Variants in TUSC3 observed in about 807,000 individuals in gnomAD.
TUSC3 encodes the protein dolichyl-diphosphooligosaccharide--protein glycosyltransferase subunit TUSC3.
In TUSC3, 45 loss-of-function variants were observed where a neutral mutation model predicts 44.8. The ratio of observed to expected loss-of-function variants is 1.00; its 90% CI spans 0.79 to 1.29. TUSC3 has a LOEUF of 1.29. TUSC3 is among the 50% of genes most tolerant of loss of function. TUSC3 has a pLI of 0.00. For synonymous variants in TUSC3, 212 were observed against 152.9 expected (o/e 1.39, Z -2.85); for missense variants, 519 against 437.9 (o/e 1.19, Z -1.65).
At chr8:15,602,424 G>T (rs1327381150) in intron 1 of TUSC3, among the ~76,000 whole-genome samples, 2 of 151,372 alleles carry the variant, frequency 1.3e-5, no homozygotes, top group Non-Finnish European at 1.5e-5. Context: ...TTTATCAAAT[G>T]GGTTGTACTT....
chr8:15,443,146 T>A (rs889122362), intron 1 of TUSC3, among the ~76,000 whole-genome samples: 1 of 151,994 alleles, frequency 6.6e-6, no homozygotes, highest in Admixed American at 6.6e-5. Context: ...CATTTTTTTC[T>A]TTTTTCTTCC....
In TUSC3 at chr8:15,419,329, G is replaced by A. The variant is rs559941953; in HGVS notation, n.91+2024G>A. 2.4e-4 allele frequency among the ~76,000 whole-genome samples: 36 copies of A among 152,330 alleles called. No homozygotes were observed. In the South Asian group the frequency reaches 7.5e-3, roughly 32 times the overall value. On this transcript the variant is annotated intron_variant and non_coding_transcript_variant, in intron 1 of 5. Coordinates refer to the TUSC3 transcript ENST00000503191. ...AAGAATGAGCTATTGCAGTACTTCA[G>A]CTGTTGCATAACTTTCCGTGCAATC...
intron 6 of TUSC3, among the ~76,000 whole-genome samples, chr8:15,690,717 T>C (rs1305074704): frequency 6.6e-6 from 1 of 152,184 alleles, no homozygotes; most frequent in Non-Finnish European, 1.5e-5. Context: ...CATCTGCATA[T>C]GGCTAGCAAG....
At chr8:15,498,556 G>C (rs1419470157) in intron 2 of TUSC3, among the ~76,000 whole-genome samples, 1 of 152,154 alleles carries the variant, frequency 6.6e-6, no homozygotes, top group African/African-American at 2.4e-5. Context: ...GCTCTACATG[G>C]TTTTGTCTAT....
chr8:15,714,377 GA>G (rs1258615426), intron 6 of TUSC3, among the ~76,000 whole-genome samples: 1 of 151,932 alleles, frequency 6.6e-6, no homozygotes, highest in Admixed American at 6.6e-5. Flanking sequence ...ATAGAGGATT[GA>G]AAAAAATGAC....
intron 1 of TUSC3, among the ~76,000 whole-genome samples, chr8:15,543,882 A>T (rs756596687): frequency 2.9e-4 from 44 of 150,760 alleles, no homozygotes; most frequent in Non-Finnish European, 4.1e-4. Flanking sequence ...ATTTGGTATC[A>T]TAGAAGACTT....
intron 6 of TUSC3, among the ~76,000 whole-genome samples, chr8:15,722,691 T>TA (rs2129204805): frequency 6.6e-6 from 1 of 152,256 alleles, no homozygotes; most frequent in South Asian, 2.1e-4. Context: ...GCTCTCTATA[T>TA]GACTTCTGTC....
At chr8:15,692,004 T>C (rs1201806607) in intron 6 of TUSC3, among the ~76,000 whole-genome samples, 1 of 152,078 alleles carries the variant, frequency 6.6e-6, no homozygotes, top group Non-Finnish European at 1.5e-5. Context: ...TGGTCTTGAA[T>C]TCTTGGCCTC....
chr8:15,807,309 TA>T, the TUSC3 span: 1 of 477,068 alleles, frequency 2.1e-6, no homozygotes, highest in South Asian at 2.3e-5. Context: ...AGGTCTCTAT[TA>T]AAAGTCAAAA....
chr8:15,629,817 G>C (rs1805680393), intron 2 of TUSC3, among the ~76,000 whole-genome samples: 1 of 150,916 alleles, frequency 6.6e-6, no homozygotes, highest in Non-Finnish European at 1.5e-5. Flanking sequence ...TTAAAGGCTG[G>C]TGAATGAGCT....
intron 6 of TUSC3, among the ~76,000 whole-genome samples, chr8:15,675,059 G>T (rs4831759): frequency 6.6e-6 from 1 of 151,626 alleles, no homozygotes; most frequent in Non-Finnish European, 1.5e-5. Context: ...TCACCTTACA[G>T]TATGCTACAT....
At chr8:15,621,975 C>G (rs988712688) in intron 1 of TUSC3, among the ~76,000 whole-genome samples, 2 of 152,094 alleles carry the variant, frequency 1.3e-5, no homozygotes, top group African/African-American at 2.4e-5. Flanking sequence ...TGCAACAAGT[C>G]TTTTACCTTA....
intron 9 of TUSC3, among the ~76,000 whole-genome samples, chr8:15,751,828 C>T (rs1280227361): frequency 1.3e-5 from 2 of 152,128 alleles, no homozygotes; most frequent in African/African-American, 4.8e-5. Context: ...ATTCCTACAC[C>T]ATGCACAGCT....
In TUSC3 at chr8:15,757,193, T is replaced by G. The variant is rs942985189; in HGVS notation, c.1029-598T>G. ...GCAGTTCCAATTCTAAGCTGGGTGA[T>G]AACAAGTGAAAAACAGAATATATAA... On this transcript the variant is annotated intron_variant, in intron 9 of 10. Transcript: ENST00000503731. Among the ~76,000 whole-genome samples, 24 of 152,110 alleles carry G rather than the reference T, an allele frequency of 1.6e-4. 1 individual carries two copies. The highest frequency in any genetic ancestry group is 1.4e-3 in the Admixed American group (22 of 15,250).
rs953516187 is a variant in TUSC3 at position 15,644,636 on chromosome 8, C to T, written c.309-6061C>T. ...CGTTAAGAAGTTGGGATATGGAGGG[C>T]GCATAAGGGATAATGGGGGTAAGTA... On this transcript the variant is annotated intron_variant, in intron 2 of 10. Coordinates refer to ENST00000503731, the MANE Select transcript of TUSC3 (RefSeq NM_006765.4). Among the ~76,000 whole-genome samples, 9 of 151,958 alleles carry T rather than the reference C, an allele frequency of 5.9e-5. No individual in the cohort carries two copies. The South Asian group carries it at 1.7e-3, about 28-fold the overall frequency.
At chr8:15,518,770 A>T (rs1801254972) in intron 2 of TUSC3, among the ~76,000 whole-genome samples, 1 of 152,186 alleles carries the variant, frequency 6.6e-6, no homozygotes, top group Non-Finnish European at 1.5e-5. Flanking sequence ...GAGCATTTAA[A>T]GTTAGCAATG....
chr8:15,680,470 C>A (rs1395293470), intron 6 of TUSC3, among the ~76,000 whole-genome samples: 1 of 151,940 alleles, frequency 6.6e-6, no homozygotes, highest in South Asian at 2.1e-4. Context: ...TTACTGAAAT[C>A]GTTTATAAAG....
chr8:15,505,299 GA>G (rs917601764), intron 2 of TUSC3, among the ~76,000 whole-genome samples: 6 of 152,130 alleles, frequency 3.9e-5, no homozygotes, highest in African/African-American at 9.7e-5. Flanking sequence ...TTGTCAAAAA[GA>G]AAAAAACCCA....
chr8:15,611,629 G>C (rs1304375251), intron 1 of TUSC3, among the ~76,000 whole-genome samples: 1 of 152,102 alleles, frequency 6.6e-6, no homozygotes, highest in Non-Finnish European at 1.5e-5. Flanking sequence ...TGTGCTGTAT[G>C]CATTTTATAT....
Sources: allele counts gnomAD v4.1 joint callset (sites outside exome capture counted in the v4.1 genomes callset), GRCh38; gene constraint gnomAD v4.1.1; transcripts MANE v1.5; gene names NCBI Gene and HGNC (gene_info 2026-07-23, HGNC 2026-07-21).